Variants in RGS12 observed in about 807,000 individuals in gnomAD.
RGS12 encodes the protein regulator of G protein signaling 12.
A neutral mutation model predicts 120.1 loss-of-function variants in RGS12; 66 were observed. The ratio of observed to expected loss-of-function variants is 0.55; its 90% confidence interval spans 0.45 to 0.67. RGS12 has a LOEUF of 0.67. Ranked by LOEUF, RGS12 falls within the 30% of genes least tolerant of loss-of-function variation. RGS12 has a pLI of 0.00. For missense variants in RGS12, 1,859 were observed against 1,957.7 expected, an observed-to-expected ratio of 0.95 and a Z score of 0.95; for synonymous variants, 827 against 804.7, an observed-to-expected ratio of 1.03 and a Z score of -0.47.
chr4:3,429,897 T>G (rs984692936), intron 16 of RGS12, among the ~76,000 whole-genome samples: 3 of 152,036 alleles, frequency 2.0e-5, no homozygotes, highest in Non-Finnish European at 2.9e-5. Context: ...AGGGTGCCCC[T>G]TCCCAGACCA....
chr4:3,337,978 C>T (rs565155347), intron 2 of RGS12, among the ~76,000 whole-genome samples: 2 of 152,342 alleles, frequency 1.3e-5, no homozygotes, highest in East Asian at 3.9e-4. Context: ...CCTGACTTCC[C>T]AGTTCTCATC....
At chr4:3,386,384 A>G (rs1718857025) in intron 3 of RGS12, 32 bp from the exon 4 acceptor site, 1 of 1,607,704 alleles carries the variant, frequency 6.2e-7, no homozygotes, top group African/African-American at 1.3e-5. Context: ...ATGAGGCTTA[A>G]TTAACTCATG....
chr4:3,332,708 G>A (rs969568411), intron 2 of RGS12, among the ~76,000 whole-genome samples: 7 of 152,232 alleles, frequency 4.6e-5, no homozygotes, highest in African/African-American at 1.7e-4. Flanking sequence ...GACGCTGGCT[G>A]TTAGTCCCTG....
intron 4 of RGS12, among the ~76,000 whole-genome samples, chr4:3,392,367 G>A (rs779933115): frequency 3.9e-5 from 6 of 152,174 alleles, no homozygotes; most frequent in Non-Finnish European, 7.3e-5. Context: ...ATTTGTTGGG[G>A]TTCAGGTATT....
intron 4 of RGS12, among the ~76,000 whole-genome samples, chr4:3,409,162 C>G (rs554996150): frequency 6.6e-6 from 1 of 152,168 alleles, no homozygotes; most frequent in Non-Finnish European, 1.5e-5. Context: ...CCTCTGTACC[C>G]GAGGCTGTGC....
intron 2 of RGS12, among the ~76,000 whole-genome samples, chr4:3,323,414 A>G (rs1313655203): frequency 6.6e-6 from 1 of 152,214 alleles, no homozygotes; most frequent in Non-Finnish European, 1.5e-5. Flanking sequence ...TGCAGTTCAG[A>G]GTTCGCTTCC....
chr4:3,302,593 C>T (rs1457360527), intron 1 of RGS12, among the ~76,000 whole-genome samples: 1 of 152,212 alleles, frequency 6.6e-6, no homozygotes, highest in Non-Finnish European at 1.5e-5. Flanking sequence ...CCTCCTGCCC[C>T]TTGCACGGGG....
chr4:3,377,559 A>G (rs780078668), intron 3 of RGS12, among the ~76,000 whole-genome samples: 5 of 152,210 alleles, frequency 3.3e-5, no homozygotes, highest in Non-Finnish European at 7.3e-5. Flanking sequence ...ATTACAGTAT[A>G]TTACTGTAAA....
At chr4:3,393,386 C>G (rs1050489276) in intron 4 of RGS12, among the ~76,000 whole-genome samples, 1 of 152,172 alleles carries the variant, frequency 6.6e-6, no homozygotes, top group African/African-American at 2.4e-5. Flanking sequence ...GTGGAGGCTC[C>G]TGTGAGGTCC....
chr4:3,328,549 A>G (rs1725718130), intron 2 of RGS12, among the ~76,000 whole-genome samples: 2 of 152,196 alleles, frequency 1.3e-5, no homozygotes, highest in South Asian at 4.1e-4. Flanking sequence ...GACCTCCAGG[A>G]CGGTGATGAA....
chr4:3,342,547 T>C, intron 2 of RGS12: 1 of 1,295,510 alleles, frequency 7.7e-7, no homozygotes, highest in Non-Finnish European at 1.0e-6. Context: ...TCATCTTTAC[T>C]AATCATCATA....
rs1051040632 is a variant in RGS12 at position 3,415,186 on chromosome 4, CGTGTGAGAGGGCCGCGTGT to C, written c.2283+361_2283+379del. Among the ~76,000 whole-genome samples, 11 of 141,182 alleles carry C rather than the reference CGTGTGAGAGGGCCGCGTGT, an allele frequency of 7.8e-5. No individual in the cohort carries two copies. In the South Asian group the frequency reaches 9.5e-4, roughly 12 times the overall value. 92.6% of individuals were successfully genotyped at this position (141,182 alleles called of 152,430 possible). A position where few individuals can be genotyped will look rare whatever the true frequency, so the allele number is the denominator to read the frequency against. On this transcript the variant is annotated intron_variant, in intron 6 of 17. Coordinates refer to ENST00000336727, the MANE Select transcript of RGS12 (RefSeq NM_001394154.1). ...GTGAGGGGCGTGTGTGATAGGGCCG[CGTGTGAGAGGGCCGCGTGT>C]GTGTGAGAGGGCCGCGTGGCCTCAT... is the stretch of plus-strand genomic sequence containing the variant.
intron 3 of RGS12, among the ~76,000 whole-genome samples, chr4:3,384,706 T>C (rs1487967620): frequency 1.3e-5 from 2 of 152,206 alleles, no homozygotes; most frequent in Non-Finnish European, 2.9e-5. Context: ...TTTTCACTAC[T>C]GGGAAGTGGG....
chr4:3,417,696 G>A (rs1722564271), intron 9 of RGS12, 155 bp downstream of exon 9: 6 of 745,612 alleles, frequency 8.0e-6, no homozygotes, highest in Non-Finnish European at 1.3e-5. Flanking sequence ...AATAAGGAAT[G>A]CCGCTGTGTC....
chr4:3,422,052 T>C (rs1041578122), intron 10 of RGS12, among the ~76,000 whole-genome samples: 1 of 152,138 alleles, frequency 6.6e-6, no homozygotes, highest in Admixed American at 6.5e-5. Flanking sequence ...GGAGTGGTCC[T>C]CACAGGGCAG....
intron 1 of RGS12, among the ~76,000 whole-genome samples, chr4:3,307,261 A>G (rs988771192): frequency 1.8e-4 from 28 of 152,034 alleles, no homozygotes; most frequent in African/African-American, 6.8e-4. Flanking sequence ...CCTTGCTCTT[A>G]GGCAGACTGT....
chr4:3,331,704 C>T lies in RGS12; in HGVS notation c.1882-11233C>T, dbSNP rs1410531078. The stretch of plus-strand genomic sequence containing the variant: ...CTGGGAAGGGTGGCGTTGGCCATCA[C>T]GCTGTGTAAACAGGGATCCCGGGGG... On this transcript the variant is annotated intron_variant, in intron 2 of 17. Transcript: ENST00000336727. Among the ~76,000 whole-genome samples, 17 of 152,322 alleles carry T rather than the reference C, an allele frequency of 1.1e-4. No individual in the cohort carries two copies. In the South Asian group the frequency reaches 1.2e-3, roughly 11 times the overall value.
chr4:3,423,463 T>C, intron 12 of RGS12, 52 bp from the exon 13 acceptor site: 2 of 1,604,568 alleles, frequency 1.2e-6, no homozygotes, highest in Middle Eastern at 1.7e-4. Context: ...GAGACTGATC[T>C]CCTAATGAGG....
chr4:3,349,268 G>A (rs1714127712), intron 3 of RGS12, among the ~76,000 whole-genome samples: 1 of 151,978 alleles, frequency 6.6e-6, no homozygotes, highest in Admixed American at 6.5e-5. Flanking sequence ...ACCAATATAG[G>A]CCTTCGATGA....
Sources: gnomAD v4.1 joint callset for allele counts (sites outside exome capture counted in the v4.1 genomes callset) on GRCh38, gnomAD v4.1.1 for gene constraint, MANE v1.5 for transcripts, NCBI Gene and HGNC (gene_info 2026-07-23, HGNC 2026-07-21) for gene names.